ARID1B: variants seen among roughly 807,000 people sequenced by gnomAD.
ARID1B encodes AT-rich interaction domain 1B.
Under a neutral mutation model 212.3 loss-of-function variants are expected in ARID1B, and 30 were observed. That is an observed-to-expected ratio of 0.14 (90% CI 0.11 to 0.19). ARID1B has a LOEUF of 0.19. Among genes scored for constraint, ARID1B ranks in the 10% least tolerant of loss-of-function variants. The pLI is 1.00. For synonymous variants in ARID1B, 1,402 were observed against 1,301.7 expected, an observed-to-expected ratio of 1.08 and a Z score of -1.66; for missense variants, 2,891 against 3,204.0, an observed-to-expected ratio of 0.90 and a Z score of 2.36.
At chr6:157,126,284 G>A (rs561862945) in intron 6 of ARID1B, among the ~76,000 whole-genome samples, 6 of 152,222 alleles carry the variant, frequency 3.9e-5, no homozygotes, top group South Asian at 2.1e-4. Flanking sequence ...CAAGATGTGC[G>A]TTCTTCACTT....
intron 3 of ARID1B, among the ~76,000 whole-genome samples, chr6:156,906,094 G>A (rs571316601): frequency 9.3e-4 from 142 of 152,326 alleles, no homozygotes; most frequent in African/African-American, 3.2e-3. Flanking sequence ...AGGTGGGGCT[G>A]TAGTAGGGTT....
intron 2 of ARID1B, among the ~76,000 whole-genome samples, chr6:156,837,388 A>C (rs547496652): frequency 7.9e-5 from 12 of 152,344 alleles, no homozygotes; most frequent in African/African-American, 2.9e-4. Context: ...ATTGGGACAG[A>C]TTATATAAAG....
chr6:157,178,138 T>A (rs1792234706), intron 11 of ARID1B, among the ~76,000 whole-genome samples: 1 of 152,204 alleles, frequency 6.6e-6, no homozygotes, highest in African/African-American at 2.4e-5. Context: ...TCAGTCTTAC[T>A]AGACTGTGCC....
upstream of ARID1B, chr6:156,776,752 T>C (rs1340497892): frequency 2.0e-5 from 3 of 152,212 alleles, no homozygotes; most frequent in East Asian, 1.9e-4. Context: ...ACATTCTCTT[T>C]GGGGCGGGTG....
At chr6:156,989,616 T>C (rs1778147925) in intron 4 of ARID1B, among the ~76,000 whole-genome samples, 1 of 152,188 alleles carries the variant, frequency 6.6e-6, no homozygotes, top group Non-Finnish European at 1.5e-5. Context: ...TTACTTAACA[T>C]CTCTAAGCCT....
intron 4 of ARID1B, among the ~76,000 whole-genome samples, chr6:157,047,791 G>C (rs1583212231): frequency 6.6e-6 from 1 of 152,114 alleles, no homozygotes; most frequent in Admixed American, 6.5e-5. Flanking sequence ...TAGTTTTTGA[G>C]GACTTAATTT....
intron 4 of ARID1B, among the ~76,000 whole-genome samples, chr6:157,017,338 CT>C (rs1779969078): frequency 6.6e-6 from 1 of 152,202 alleles, no homozygotes; most frequent in Admixed American, 6.5e-5. Context: ...TTCATACTCA[CT>C]GAGCTACTCA....
intron 13 of ARID1B, among the ~76,000 whole-genome samples, chr6:157,188,030 A>T (rs1793100902): frequency 6.6e-6 from 1 of 152,092 alleles, no homozygotes; most frequent in Non-Finnish European, 1.5e-5. Flanking sequence ...TACCTTTTTA[A>T]CATGTGTTTC....
intron 11 of ARID1B, among the ~76,000 whole-genome samples, chr6:157,180,557 A>T (rs533505189): frequency 6.6e-6 from 1 of 152,176 alleles, no homozygotes; most frequent in African/African-American, 2.4e-5. Flanking sequence ...GTAGGAGTCC[A>T]TTTAATGTTT....
Position 156,777,947 on chromosome 6 carries a change from C to A in ARID1B, c.267C>A (p.Gly89=), listed in dbSNP as rs1583022123. ...AACTCAACATGGCCCATAACGCGGG[C>A]GCCGCGGCCGCCGCCGGCACCCACA... ...RHELNMAHNA[G]AAAAAGTHSA... The change falls in exon 1 of 20, where the codon GGC becomes GGA. Residue 89 remains glycine (G), a synonymous_variant. Transcript: ENST00000636930. 6.5e-7 allele frequency: 1 copy of A among 1,528,908 alleles called. No individual in the cohort carries two copies. The highest frequency in any genetic ancestry group is 8.7e-7 in the Non-Finnish European group (1 of 1,144,370). 94.7% of individuals were successfully genotyped at this position (1,528,908 alleles called of 1,614,324 possible).
At chr6:156,831,951 T>G (rs944541883) in intron 2 of ARID1B, among the ~76,000 whole-genome samples, 1 of 152,266 alleles carries the variant, frequency 6.6e-6, no homozygotes, top group African/African-American at 2.4e-5. Context: ...GTCATGGGTC[T>G]AAATAATCTG....
intron 2 of ARID1B, among the ~76,000 whole-genome samples, chr6:156,898,655 A>G (rs1442320858): frequency 6.6e-6 from 1 of 152,208 alleles, no homozygotes; most frequent in Non-Finnish European, 1.5e-5. Context: ...GCATTGACAA[A>G]AAAACAATAA....
intron 2 of ARID1B, among the ~76,000 whole-genome samples, chr6:156,840,487 A>G (rs927788971): frequency 2.6e-5 from 4 of 152,158 alleles, no homozygotes; most frequent in Non-Finnish European, 5.9e-5. Flanking sequence ...TTTCCAAACT[A>G]CTAATGAAGA....
chr6:157,175,234 T>C (rs1234194465), intron 11 of ARID1B: 3 of 298,482 alleles, frequency 1.0e-5, no homozygotes, highest in Middle Eastern at 9.3e-4. Context: ...AAAGCTGTTA[T>C]AAAGAAGCAC....
intron 4 of ARID1B, among the ~76,000 whole-genome samples, chr6:156,951,462 G>C (rs1793582547): frequency 6.8e-6 from 1 of 147,740 alleles, no homozygotes. Context: ...TTTTTTTTTT[G>C]AAATGGAGTC....
At chr6:156,963,960 A>G (rs76881975) in intron 4 of ARID1B, among the ~76,000 whole-genome samples, 3,227 of 152,318 alleles carry the variant, frequency 0.021, 49 homozygotes, top group Non-Finnish European at 0.03. Flanking sequence ...GTGCTTGCCA[A>G]TTGTGGAAAG....
intron 13 of ARID1B, 96 bp from the exon 14 acceptor site, chr6:157,189,546 C>T (rs1793209996): frequency 3.0e-6 from 4 of 1,347,360 alleles, no homozygotes; most frequent in Middle Eastern, 1.9e-4. Context: ...GTCTTATTTA[C>T]ATTTATGTCT....
At chr6:157,164,822 A>C (rs1001782780) in intron 8 of ARID1B, 5 of 152,244 alleles carry the variant, frequency 3.3e-5, no homozygotes, top group African/African-American at 1.2e-4. Flanking sequence ...TGACAAGGAC[A>C]GCCATCACAG....
intron 2 of ARID1B, among the ~76,000 whole-genome samples, chr6:156,837,426 G>A (rs533348242): frequency 7.2e-5 from 11 of 152,296 alleles, no homozygotes; most frequent in Admixed American, 1.3e-4. Flanking sequence ...CACGTTTCAA[G>A]ATTTATGTTC....
Sources: gnomAD v4.1 joint callset for allele counts (sites outside exome capture counted in the v4.1 genomes callset) on GRCh38, gnomAD v4.1.1 for gene constraint, MANE v1.5 for transcripts, NCBI Gene and HGNC (gene_info 2026-07-23, HGNC 2026-07-21) for gene names.